Variants in SEMA3A observed in about 807,000 individuals in gnomAD.
SEMA3A encodes semaphorin-3A.
Under a neutral mutation model 97.9 loss-of-function variants are expected in SEMA3A, and 29 were observed. That is an observed-to-expected ratio of 0.30 (90% CI 0.22 to 0.40). The LOEUF is 0.40. Ranked by LOEUF, SEMA3A falls within the 10% of genes least tolerant of loss-of-function variation. The pLI, the probability that SEMA3A is intolerant of heterozygous loss-of-function variation, is 1.00. For synonymous variants in SEMA3A, 321 were observed against 323.7 expected (o/e 0.99, Z 0.09); for missense variants, 763 against 951.3 (o/e 0.80, Z 2.60).
chr7:84,444,154 A>G (rs893805304), intron 1 of SEMA3A, among the ~76,000 whole-genome samples: 14 of 152,112 alleles, frequency 9.2e-5, no homozygotes, highest in African/African-American at 2.9e-4. Flanking sequence ...CAAAATTGCT[A>G]GAATTACAGG....
chr7:83,994,762 T>C lies in SEMA3A; in HGVS notation c.1452+7193A>G, dbSNP rs1790133602. Among the ~76,000 whole-genome samples the C allele has an allele frequency of 2.0e-5, 3 of 151,538 alleles. No individual in the cohort carries two copies. The South Asian group carries it at 6.3e-4, about 32-fold the overall frequency. On this transcript the variant is annotated intron_variant, in intron 12 of 16. Coordinates refer to ENST00000265362, the MANE Select transcript of SEMA3A (RefSeq NM_006080.3). ...TTTAAGTCTGCAGAGGTTACTGCTGTCTTTTTGTTTGTCTGTGCCCTGCCC... is the reference window on the plus strand; with the variant it reads ...TTTAAGTCTGCAGAGGTTACTGCTGCCTTTTTGTTTGTCTGTGCCCTGCCC...
chr7:84,324,592 T>C (rs1181657033), intron 2 of SEMA3A, among the ~76,000 whole-genome samples: 1 of 152,192 alleles, frequency 6.6e-6, no homozygotes, highest in Non-Finnish European at 1.5e-5. Flanking sequence ...GCAATCATAT[T>C]TTATTAAACT....
intron 5 of SEMA3A, among the ~76,000 whole-genome samples, chr7:84,058,979 C>A (rs1341605334): frequency 6.6e-6 from 1 of 152,104 alleles, no homozygotes; most frequent in Non-Finnish European, 1.5e-5. Context: ...AATAATCAAG[C>A]AAGTCCCTAC....
At chr7:84,475,054 A>T (rs1049460476) in intron 1 of SEMA3A, among the ~76,000 whole-genome samples, 2 of 152,172 alleles carry the variant, frequency 1.3e-5, no homozygotes, top group Non-Finnish European at 2.9e-5. Context: ...GGCTGGAGGC[A>T]CCAGAGTTCT....
intron 1 of SEMA3A, among the ~76,000 whole-genome samples, chr7:84,180,166 T>G (rs565344258): frequency 1.0e-4 from 15 of 150,294 alleles, no homozygotes; most frequent in African/African-American, 3.7e-4. Flanking sequence ...GGCTGGTCTC[T>G]AACTCCCGAC....
chr7:84,314,227 C>A (rs780009044), intron 2 of SEMA3A, among the ~76,000 whole-genome samples: 1 of 152,018 alleles, frequency 6.6e-6, no homozygotes, highest in Non-Finnish European at 1.5e-5. Flanking sequence ...GTGAGTCTAT[C>A]TAGTTTTGCA....
In SEMA3A at chr7:83,960,759, C is replaced by G. The variant is rs1464669576; in HGVS notation, c.*612G>C. On this transcript the variant is annotated 3_prime_UTR_variant, in exon 17 of 17. Coordinates refer to ENST00000265362, the MANE Select transcript of SEMA3A (RefSeq NM_006080.3). ...AATAAAATACATCTTTAGATCAAAG[C>G]TGAAAGAAGACATCAGTAGTAGATC... The G allele has an allele frequency of 6.6e-6, 1 of 151,584 alleles. No homozygotes were observed. Among genetic ancestry groups the G allele is most frequent in the African/African-American group, 2.4e-5 (1 of 41,146 alleles). 9.4% of individuals were successfully genotyped at this position (151,584 alleles called of 1,614,324 possible).
intron 6 of SEMA3A, among the ~76,000 whole-genome samples, chr7:84,014,878 C>G (rs1266849986): frequency 1.3e-5 from 2 of 152,110 alleles, no homozygotes; most frequent in African/African-American, 4.8e-5. Flanking sequence ...GGAAAAAACC[C>G]TGGCCACCCT....
rs999486034 is a variant in SEMA3A at position 84,132,675 on chromosome 7, T to G, written c.270+2119A>C. On this transcript the variant is annotated intron_variant, in intron 2 of 16. Transcript: ENST00000265362. Reference sequence around the variant, plus strand: ...CATCGACTTGGTGTTTTTTTTTTTTTTTTTTTTTTTTTTTTTTTGAGACGG... The same window carrying G: ...CATCGACTTGGTGTTTTTTTTTTTTGTTTTTTTTTTTTTTTTTTGAGACGG... Among the ~76,000 whole-genome samples the G allele has an allele frequency of 4.4e-3, 583 of 131,370 alleles. 21 individuals are homozygous for G. The highest frequency in any genetic ancestry group is 0.013 in the East Asian group (58 of 4,414). 86.2% of individuals were successfully genotyped at this position (131,370 alleles called of 152,430 possible). A position where few individuals can be genotyped will look rare whatever the true frequency, so the allele number is the denominator to read the frequency against.
chr7:84,174,531 G>A (rs936657719), intron 1 of SEMA3A, among the ~76,000 whole-genome samples: 14 of 152,034 alleles, frequency 9.2e-5, no homozygotes, highest in Non-Finnish European at 1.9e-4. Context: ...AACAACTTAC[G>A]CATCCACAAA....
At position 84,099,333 on chromosome 7, in the gene SEMA3A, G is replaced by GT. The variant is rs1273521356; in HGVS notation, c.453+11136dup. On this transcript the variant is annotated intron_variant, in intron 4 of 16. Transcript: ENST00000265362. ...GATCCGCCCGCCTCGGCCTCCCAAA[G>GT]TGCTGGGATTACAGGCGTGAGCCAC... Among the ~76,000 whole-genome samples the GT allele has an allele frequency of 7.3e-5, 4 of 55,000 alleles. 2 individuals carry two copies. The highest frequency in any genetic ancestry group is 2.5e-4 in the Non-Finnish European group (4 of 15,832). 36.1% of individuals were successfully genotyped at this position (55,000 alleles called of 152,430 possible). A position where few individuals can be genotyped will look rare whatever the true frequency, so the allele number is the denominator to read the frequency against.
rs993566050 is a variant in SEMA3A, at chr7:84,239,924, T to C, written c.-82-45256A>G. The stretch of plus-strand genomic sequence containing the variant: ...TTAAGTTGTGATGCAGTATGGTAGA[T>C]TAATATTTTCTATTATTTCATTGGT... On this transcript the variant is annotated intron_variant, in intron 3 of 3. Coordinates refer to the SEMA3A transcript ENST00000424555. 2.4e-4 allele frequency among the ~76,000 whole-genome samples: 37 copies of C among 152,284 alleles called. 1 individual carries two copies. The highest frequency in any genetic ancestry group is 8.2e-4 in the African/African-American group (34 of 41,572).
At chr7:84,241,547 C>G (rs1438537145) in intron 3 of SEMA3A, among the ~76,000 whole-genome samples, 1 of 152,092 alleles carries the variant, frequency 6.6e-6, no homozygotes, top group Non-Finnish European at 1.5e-5. Flanking sequence ...TTCTCCCATT[C>G]TGTAGGTTGC....
intron 3 of SEMA3A, among the ~76,000 whole-genome samples, chr7:84,278,050 C>T (rs1017386353): frequency 1.4e-4 from 22 of 152,050 alleles, no homozygotes; most frequent in Admixed American, 4.6e-4. Flanking sequence ...TTATTTCCTC[C>T]TGCATATGAG....
intron 1 of SEMA3A, among the ~76,000 whole-genome samples, chr7:84,408,695 A>T (rs1029112042): frequency 7.6e-6 from 1 of 131,520 alleles, no homozygotes; most frequent in Admixed American, 8.0e-5. Flanking sequence ...CATATACACC[A>T]TGGAATACTA....
intron 3 of SEMA3A, among the ~76,000 whole-genome samples, chr7:84,124,430 C>G (rs112982391): frequency 0.035 from 5,279 of 152,190 alleles, 115 homozygotes; most frequent in South Asian, 0.069. Context: ...TGTCTTGGAG[C>G]CCTGATGGCT....
chr7:84,383,419 G>GA (rs558900739), intron 1 of SEMA3A, among the ~76,000 whole-genome samples: 48 of 151,768 alleles, frequency 3.2e-4, no homozygotes, highest in Non-Finnish European at 5.2e-4. Context: ...CAGTAAATTT[G>GA]AAAAAAAATT....
At chr7:84,118,864 T>C (rs1000483236) in intron 3 of SEMA3A, among the ~76,000 whole-genome samples, 1 of 151,824 alleles carries the variant, frequency 6.6e-6, no homozygotes, top group Non-Finnish European at 1.5e-5. Context: ...CATGATTGTA[T>C]AAGGTCTAAT....
intron 1 of SEMA3A, among the ~76,000 whole-genome samples, chr7:84,403,425 C>T (rs548106511): frequency 6.6e-6 from 1 of 152,320 alleles, no homozygotes; most frequent in East Asian, 1.9e-4. Context: ...GAGCCCACCA[C>T]AGCTCAAGGA....
Sources: allele counts gnomAD v4.1 joint callset (sites outside exome capture counted in the v4.1 genomes callset), GRCh38; gene constraint gnomAD v4.1.1; transcripts MANE v1.5; gene names NCBI Gene and HGNC (gene_info 2026-07-23, HGNC 2026-07-21).